Variants in GABRR3 observed in about 807,000 individuals in gnomAD.
The protein encoded by GABRR3 is gamma-aminobutyric acid type A receptor subunit rho3, also known as gamma-aminobutyric acid receptor subunit rho-3.
Under a neutral mutation model 43.2 loss-of-function variants are expected in GABRR3, and 29 were observed. The ratio of observed to expected loss-of-function variants is 0.67; its 90% CI spans 0.50 to 0.92. The LOEUF (loss-of-function observed/expected upper bound fraction) is 0.92. GABRR3 is among the 40% of genes least tolerant of loss of function. The pLI is 0.00. For missense variants in GABRR3, 576 were observed against 572.3 expected, an observed-to-expected ratio of 1.01 and a Z score of -0.07; for synonymous variants, 206 against 195.9, an observed-to-expected ratio of 1.05 and a Z score of -0.43.
chr3:98,034,914 G>A (rs1371768874), exon 2 of GABRR3: 1 of 1,613,184 alleles, frequency 6.2e-7, no homozygotes, highest in South Asian at 1.1e-5. Flanking sequence ...CTTGATGTTA[G>A]AAGCAGCACA....
intron 7 of GABRR3, among the ~76,000 whole-genome samples, chr3:98,007,170 G>C (rs1190494226): frequency 6.6e-6 from 1 of 152,102 alleles, no homozygotes; most frequent in Non-Finnish European, 1.5e-5. Flanking sequence ...AAGGAAGCCT[G>C]TTTTACACGG....
Position 98,009,032 on chromosome 3 carries a change from C to A in GABRR3, c.537G>T (p.Thr179=), listed in dbSNP as rs763639627. ...AATCCATAAAGCACATGGCCGAAACCGTTATCCTATAAAAAGAATGAGAAA... is the reference window on the plus strand; with the variant it reads ...AATCCATAAAGCACATGGCCGAAACAGTTATCCTATAAAAAGAATGAGAAA... Residue 179 remains threonine (T), a synonymous_variant, in exon 6 of 10, where the codon ACG becomes ACT. Transcript: ENST00000621172. The A allele has an allele frequency of 5.9e-5, 95 of 1,601,322 alleles. 1 individual carries two copies. The highest frequency in any genetic ancestry group is 7.8e-5 in the Non-Finnish European group (92 of 1,172,988).
intron 9 of GABRR3, among the ~76,000 whole-genome samples, chr3:97,988,650 T>C (rs1003721304): frequency 1.4e-5 from 2 of 139,768 alleles, no homozygotes; most frequent in Admixed American, 7.0e-5. Context: ...GGGTGATAGA[T>C]GGTGGGTGGT....
intron 3 of GABRR3, 126 bp downstream of exon 3, chr3:98,025,441 T>G: frequency 1.6e-6 from 1 of 608,166 alleles, no homozygotes; most frequent in Non-Finnish European, 2.8e-6. Context: ...AAGGTGATTG[T>G]AAAAGCCTTC....
At chr3:97,992,975 G>C in exon 9 of GABRR3, 7 of 1,613,640 alleles carry the variant, frequency 4.3e-6, no homozygotes, top group Non-Finnish European at 5.9e-6. Flanking sequence ...CCACAGCCTT[G>C]AGGTAGGACA....
chr3:98,017,644 A>G lies in GABRR3; in HGVS notation c.306+11T>C, dbSNP rs559730023. On this transcript the variant is annotated intron_variant, in intron 4 of 9. Coordinates refer to ENST00000621172, the Ensembl canonical transcript of GABRR3. Reference sequence around the variant, plus strand: ...TTCAGAAAAAGAGCAATATCCCATGAAGAAACTTACCATGTTAGTCTCTGA... The same window carrying G: ...TTCAGAAAAAGAGCAATATCCCATGGAGAAACTTACCATGTTAGTCTCTGA... 3.7e-6 allele frequency: 6 copies of G among 1,600,122 alleles called. No individual in the cohort carries two copies. Among genetic ancestry groups the G allele is most frequent in the Non-Finnish European group, 5.1e-6 (6 of 1,170,604 alleles).
At chr3:98,008,910 T>A (rs1227728888) in intron 6 of GABRR3, 46 bp downstream of exon 6, 2 of 1,074,572 alleles carry the variant, frequency 1.9e-6, no homozygotes, top group Admixed American at 2.0e-5. Flanking sequence ...TATGTGATGG[T>A]GTGTTCAAAT....
chr3:98,033,657 A>G (rs1384388391), intron 2 of GABRR3, among the ~76,000 whole-genome samples: 2 of 152,178 alleles, frequency 1.3e-5, no homozygotes, highest in Non-Finnish European at 2.9e-5. Context: ...TTAAAATTAG[A>G]TAAAACATAC....
intron 2 of GABRR3, 107 bp from the exon 3 acceptor site, chr3:98,025,786 C>T (rs757879501): frequency 3.2e-6 from 2 of 627,776 alleles, no homozygotes; most frequent in South Asian, 4.6e-5. Context: ...GAAATACATA[C>T]ATAAAAGCTC....
intron 8 of GABRR3, among the ~76,000 whole-genome samples, chr3:97,995,911 G>A (rs1026835031): frequency 9.2e-5 from 14 of 152,296 alleles, no homozygotes; most frequent in African/African-American, 2.9e-4. Flanking sequence ...CACTACTGAT[G>A]TTGCTACGCA....
chr3:97,997,730 T>G (rs1706581233), intron 8 of GABRR3: 5 of 152,164 alleles, frequency 3.3e-5, no homozygotes, highest in Admixed American at 3.3e-4. Context: ...ATGAACAACT[T>G]AAGTCTTTTG....
chr3:97,986,726 A>C (rs746289773), exon 10 of GABRR3: 2 of 1,578,716 alleles, frequency 1.3e-6, no homozygotes, highest in African/African-American at 1.3e-5. Context: ...TAAAATATAC[A>C]CAATGGGGAA....
At chr3:98,031,838 T>C (rs1707090463) in intron 2 of GABRR3, among the ~76,000 whole-genome samples, 1 of 152,156 alleles carries the variant, frequency 6.6e-6, no homozygotes, top group African/African-American at 2.4e-5. Context: ...TACCTTGTAG[T>C]TGTAGTCTCT....
intron 8 of GABRR3, chr3:98,001,058 C>T (rs983052722): frequency 2.0e-5 from 3 of 153,120 alleles, no homozygotes; most frequent in African/African-American, 7.2e-5. Context: ...TAATATGCCA[C>T]TGTACCTGAA....
intron 3 of GABRR3, among the ~76,000 whole-genome samples, chr3:98,021,793 A>G (rs1706951125): frequency 6.6e-6 from 1 of 152,206 alleles, no homozygotes; most frequent in Admixed American, 6.5e-5. Context: ...AAGATATAGC[A>G]TCTATTTGGT....
chr3:98,025,715 T>C, intron 2 of GABRR3, 36 bp from the exon 3 acceptor site: 1 of 1,342,968 alleles, frequency 7.4e-7, no homozygotes, highest in Non-Finnish European at 1.1e-6. Flanking sequence ...ACTTCTGAGA[T>C]ACATATGCTT....
At chr3:97,991,924 A>T (rs562118583) in intron 9 of GABRR3, among the ~76,000 whole-genome samples, 2 of 152,158 alleles carry the variant, frequency 1.3e-5, no homozygotes, top group South Asian at 4.1e-4. Flanking sequence ...TCTACATGGG[A>T]TGTATATGTA....
intron 7 of GABRR3, among the ~76,000 whole-genome samples, chr3:98,005,964 T>G (rs1706720236): frequency 6.6e-6 from 1 of 152,100 alleles, no homozygotes; most frequent in African/African-American, 2.4e-5. Context: ...TGAAAACACA[T>G]CCTATAAATT....
chr3:98,001,712 A>C (rs370299417), exon 8 of GABRR3: 2 of 1,613,202 alleles, frequency 1.2e-6, no homozygotes, highest in African/African-American at 1.3e-5. Context: ...TTTGCAGCAC[A>C]AAGAAGAAAA....
Sources: gnomAD v4.1 joint callset for allele counts (sites outside exome capture counted in the v4.1 genomes callset) on GRCh38, gnomAD v4.1.1 for gene constraint, MANE v1.5 for transcripts, NCBI Gene and HGNC (gene_info 2026-07-23, HGNC 2026-07-21) for gene names.